Variants in MROH7 observed in about 807,000 individuals in gnomAD.
MROH7 encodes the protein maestro heat-like repeat-containing protein family member 7.
In MROH7, 113 loss-of-function variants were observed where a neutral mutation model predicts 129.2. The observed-to-expected ratio is 0.87, with a 90% CI of 0.75 to 1.02. MROH7 has a LOEUF of 1.02. MROH7 is among the 50% of genes least tolerant of loss of function. The pLI, the probability that MROH7 is intolerant of heterozygous loss-of-function variation, is 0.00. For missense variants in MROH7, 1,601 were observed against 1,671.3 expected (o/e 0.96, Z 0.73); for synonymous variants, 655 against 667.9 (o/e 0.98, Z 0.30).
At chr1:54,650,713 G>A (rs1423507461) in intron 1 of MROH7, among the ~76,000 whole-genome samples, 3 of 149,234 alleles carry the variant, frequency 2.0e-5, no homozygotes, top group Admixed American at 1.3e-4. Flanking sequence ...TATGCATGTT[G>A]ATCGCCATCC....
intron 23 of MROH7, 47 bp from the exon 24 acceptor site, chr1:54,709,899 A>G: frequency 3.2e-6 from 5 of 1,586,084 alleles, no homozygotes; most frequent in Non-Finnish European, 4.3e-6. Context: ...AGACCCACAT[A>G]GGGCCCTGGG....
intron 14 of MROH7, among the ~76,000 whole-genome samples, chr1:54,683,285 G>A (rs1037336355): frequency 5.9e-5 from 9 of 152,058 alleles, no homozygotes; most frequent in Non-Finnish European, 1.3e-4. Flanking sequence ...CTCATATGGC[G>A]GCTGTGAAGA....
chr1:54,662,987 G>A (rs1358858500), intron 3 of MROH7, among the ~76,000 whole-genome samples: 4 of 152,026 alleles, frequency 2.6e-5, no homozygotes, highest in South Asian at 2.1e-4. Context: ...AGTGACGCTG[G>A]GTTTTTCTCA....
At chr1:54,665,313 C>T in intron 4 of MROH7, 73 bp downstream of exon 4, 1 of 1,165,932 alleles carries the variant, frequency 8.6e-7, no homozygotes, top group Non-Finnish European at 1.3e-6. Context: ...ACCCCCCAGC[C>T]CAGCAGCCTC....
chr1:54,663,922 C>T (rs942371824), intron 3 of MROH7: 19 of 335,794 alleles, frequency 5.7e-5, no homozygotes, highest in African/African-American at 8.8e-5. Context: ...CCTCCAGCGT[C>T]CTCTGGTGAT....
At chr1:54,708,963 TG>T in intron 22 of MROH7, 50 bp from the exon 23 acceptor site, 1 of 1,210,744 alleles carries the variant, frequency 8.3e-7, no homozygotes, top group Non-Finnish European at 1.1e-6. Context: ...TGGGTTGGGG[TG>T]GGGTCGACGT....
At chr1:54,700,041 G>A (rs1274680535) in intron 17 of MROH7, 1 of 659,126 alleles carries the variant, frequency 1.5e-6, no homozygotes, top group Admixed American at 2.2e-5. Flanking sequence ...GGTGTGGGCT[G>A]GAGGGTGGGC....
chr1:54,646,265 G>A (rs1644465887), intron 1 of MROH7, among the ~76,000 whole-genome samples: 1 of 152,236 alleles, frequency 6.6e-6, no homozygotes, highest in South Asian at 2.1e-4. Flanking sequence ...GTCTGTCACT[G>A]CTCCAGGTAT....
chr1:54,652,818 T>C, intron 2 of MROH7, 35 bp from the exon 3 acceptor site: 1 of 1,420,836 alleles, frequency 7.0e-7, no homozygotes, highest in Non-Finnish European at 9.5e-7. Context: ...TTAACAGGTG[T>C]GGCATGGCTG....
At position 54,702,874 on chromosome 1, in the gene MROH7, G is replaced by A. The variant is rs1048064382; in HGVS notation, c.3564+129G>A. 2.2e-5 allele frequency: 25 copies of A among 1,162,452 alleles called. 1 individual carries two copies. The South Asian group carries it at 4.2e-4, about 20-fold the overall frequency. 72.0% of individuals were successfully genotyped at this position (1,162,452 alleles called of 1,614,324 possible). A position where few individuals can be genotyped will look rare whatever the true frequency, so the allele number is the denominator to read the frequency against. The stretch of plus-strand genomic sequence containing the variant: ...GACCAACTACAAGTTGTTGGTTCTG[G>A]AACGTTCCTCTCCACCTCTGGCTTC... On this transcript the variant is annotated intron_variant, in intron 21 of 23. Transcript: ENST00000421030.
At chr1:54,674,236 G>A in intron 10 of MROH7, 85 bp downstream of exon 10, 1 of 1,484,958 alleles carries the variant, frequency 6.7e-7, no homozygotes, top group Non-Finnish European at 9.1e-7. Context: ...TGGAGCCTTG[G>A]CATTAAGGCA....
chr1:54,648,376 ATTTT>A (rs566936628), intron 1 of MROH7, among the ~76,000 whole-genome samples: 1 of 141,020 alleles, frequency 7.1e-6, no homozygotes, highest in Non-Finnish European at 1.6e-5. Flanking sequence ...TTATTTATTT[ATTTT>A]TTGAGACGGA....
chr1:54,668,906 G>A lies in MROH7; in HGVS notation c.1358G>A (p.Gly453Glu). The change falls in exon 5 of 24, where the codon GGA becomes GAA. Residue 453 changes from glycine (G) to glutamate (E), a missense_variant. By Grantham distance (98) the Gly-to-Glu change is moderately conservative (BLOSUM62 -2). Coordinates refer to ENST00000421030, the MANE Select transcript of MROH7 (RefSeq NM_001039464.4). ...AGCCAGGATCTGCTGGAGGCAGAAGGAGAAAAGAAGACCATGATAAAGAAG... is the reference window on the plus strand; with the variant it reads ...AGCCAGGATCTGCTGGAGGCAGAAGAAGAAAAGAAGACCATGATAAAGAAG... ...QKSQDLLEAE[G>E]EKKTMIKKIM... 1 of 1,611,744 alleles carries A rather than the reference G, an allele frequency of 6.2e-7. No homozygotes were observed. Among genetic ancestry groups the A allele is most frequent in the South Asian group, 1.1e-5 (1 of 91,044 alleles).
chr1:54,688,821 G>C (rs764215487), intron 15 of MROH7, among the ~76,000 whole-genome samples: 2 of 152,164 alleles, frequency 1.3e-5, no homozygotes, highest in African/African-American at 2.4e-5. Context: ...GGCTCTGGAG[G>C]GGGAGGAGGA....
chr1:54,642,354 T>C (rs1644401546), intron 1 of MROH7, among the ~76,000 whole-genome samples: 2 of 152,186 alleles, frequency 1.3e-5, no homozygotes, highest in Non-Finnish European at 2.9e-5. Flanking sequence ...AGGTTTTGAA[T>C]TCAGGTCTGC....
intron 4 of MROH7, among the ~76,000 whole-genome samples, chr1:54,666,296 G>A (rs1301122861): frequency 6.6e-6 from 1 of 152,126 alleles, no homozygotes; most frequent in African/African-American, 2.4e-5. Context: ...ATGAGTACAC[G>A]GAGAGAAGCA....
At chr1:54,679,172 C>G (rs747750781) in intron 11 of MROH7, 91 bp from the exon 12 acceptor site, 10 of 1,296,826 alleles carry the variant, frequency 7.7e-6, no homozygotes, top group African/African-American at 1.5e-5. Context: ...ATGTGGGCGT[C>G]AGGCAGTGTT....
At position 54,674,007 on chromosome 1, in the gene MROH7, T is replaced by A; in HGVS notation, c.1801-9T>A. 1 of 1,613,546 alleles carries A rather than the reference T, an allele frequency of 6.2e-7. No individual in the cohort carries two copies. The highest frequency in any genetic ancestry group is 1.1e-5 in the South Asian group (1 of 90,990). ...TAACACTCAATCCCTAAGATTGCAA[T>A]ACAAACAGATGCCCTTGGGGTTCCC... is the stretch of plus-strand genomic sequence containing the variant. On this transcript the variant is annotated splice_polypyrimidine_tract_variant and intron_variant, in intron 9 of 23. Coordinates refer to ENST00000421030, the MANE Select transcript of MROH7 (RefSeq NM_001039464.4).
At chr1:54,666,425 ATTTT>A (rs71048704) in intron 4 of MROH7, among the ~76,000 whole-genome samples, 1 of 69,216 alleles carries the variant, frequency 1.4e-5, no homozygotes, top group African/African-American at 5.0e-5. Context: ...GAGAAGAGGA[ATTTT>A]TTTTTTTTTT....
Sources: gnomAD v4.1 joint callset for allele counts (sites outside exome capture counted in the v4.1 genomes callset) on GRCh38, gnomAD v4.1.1 for gene constraint, MANE v1.5 for transcripts, NCBI Gene and HGNC (gene_info 2026-07-23, HGNC 2026-07-21) for gene names.